Variants in IPO11 observed in about 807,000 individuals in gnomAD.
IPO11 encodes importin 11.
IPO11 carries 66 observed loss-of-function variants against 143.2 expected under a neutral mutation model. The observed-to-expected ratio is 0.46, with a 90% confidence interval of 0.38 to 0.57. The LOEUF (loss-of-function observed/expected upper bound fraction) is 0.57, where lower values mean the gene tolerates loss of function less well. Among genes scored for constraint, IPO11 ranks in the 20% least tolerant of loss-of-function variants. The pLI is 0.00. For missense variants in IPO11, 1,026 were observed against 1,141.0 expected, an observed-to-expected ratio of 0.90 and a Z score of 1.45; for synonymous variants, 385 against 377.8, an observed-to-expected ratio of 1.02 and a Z score of -0.22.
intron 29 of IPO11, among the ~76,000 whole-genome samples, chr5:62,615,326 C>A (rs75138362): frequency 0.027 from 4,048 of 152,282 alleles, 173 homozygotes; most frequent in African/African-American, 0.09. Flanking sequence ...GTTTGAGAAA[C>A]CCTGAATTTA....
At chr5:62,430,016 C>G (rs180778928) in intron 1 of IPO11, among the ~76,000 whole-genome samples, 27 of 152,274 alleles carry the variant, frequency 1.8e-4, no homozygotes, top group Admixed American at 3.9e-4. Flanking sequence ...CTTGGCCTCC[C>G]AAAGTGCTGG....
intron 24 of IPO11, among the ~76,000 whole-genome samples, chr5:62,549,502 T>A (rs1460004841): frequency 6.6e-6 from 1 of 152,168 alleles, no homozygotes; most frequent in African/African-American, 2.4e-5. Flanking sequence ...ATGTCAGTAG[T>A]CCATCTTGAG....
chr5:62,510,055 A>G (rs748680306), intron 19 of IPO11, among the ~76,000 whole-genome samples: 7 of 152,198 alleles, frequency 4.6e-5, no homozygotes, highest in Non-Finnish European at 8.8e-5. Context: ...CATTGCCAAC[A>G]CTTGTCTTAT....
chr5:62,589,141 AC>A (rs1744919611), intron 27 of IPO11, among the ~76,000 whole-genome samples: 1 of 152,034 alleles, frequency 6.6e-6, no homozygotes, highest in South Asian at 2.1e-4. Context: ...CCCCTTTGGC[AC>A]CTGTACTTTC....
intron 20 of IPO11, 44 bp downstream of exon 20, chr5:62,515,545 A>T (rs201826114): frequency 3.1e-6 from 4 of 1,296,204 alleles, no homozygotes; most frequent in East Asian, 5.0e-5. Context: ...AGTGGTTTTT[A>T]AAAAATTCTT....
intron 20 of IPO11, among the ~76,000 whole-genome samples, chr5:62,524,254 T>G (rs945456829): frequency 3.3e-5 from 5 of 152,198 alleles, no homozygotes; most frequent in African/African-American, 1.2e-4. Context: ...AGACAGTGTG[T>G]TATATAGTAT....
chr5:62,469,316 G>A (rs1204484486), intron 6 of IPO11, among the ~76,000 whole-genome samples: 1 of 152,154 alleles, frequency 6.6e-6, no homozygotes, highest in Non-Finnish European at 1.5e-5. Context: ...TGCATATGAT[G>A]ATTTCAAACT....
chr5:62,568,803 T>C (rs1329093594), intron 27 of IPO11, among the ~76,000 whole-genome samples: 1 of 152,132 alleles, frequency 6.6e-6, no homozygotes, highest in Non-Finnish European at 1.5e-5. Flanking sequence ...TTGATGCTTG[T>C]AGAGGTATGT....
chr5:62,526,948 G>A (rs1278618057), intron 21 of IPO11, among the ~76,000 whole-genome samples: 2 of 152,142 alleles, frequency 1.3e-5, no homozygotes, highest in African/African-American at 2.4e-5. Context: ...TAAAAGAAAT[G>A]AACATTTGAT....
chr5:62,549,718 A>G (rs1370941802), intron 24 of IPO11, among the ~76,000 whole-genome samples: 2 of 151,692 alleles, frequency 1.3e-5, no homozygotes, highest in African/African-American at 2.4e-5. Flanking sequence ...AAATAAACAA[A>G]CTCCACCCTG....
intron 24 of IPO11, 82 bp downstream of exon 24, chr5:62,537,371 G>T (rs1005061041): frequency 2.2e-6 from 2 of 909,780 alleles, no homozygotes; most frequent in South Asian, 1.5e-5. Flanking sequence ...TGGATGGTTC[G>T]CAAGAAGGAG....
At chr5:62,617,021 T>C (rs1266074323) in intron 29 of IPO11, among the ~76,000 whole-genome samples, 3 of 152,190 alleles carry the variant, frequency 2.0e-5, no homozygotes, top group Non-Finnish European at 4.4e-5. Flanking sequence ...CCTGCACTTT[T>C]CAGTCCTTCA....
At position 62,470,816 on chromosome 5, in the gene IPO11, C is replaced by CTTTTTTTTTTTTTTTTTTTT. The variant is rs70981015; in HGVS notation, c.708+518_708+537dup. Among the ~76,000 whole-genome samples the CTTTTTTTTTTTTTTTTTTTT allele has an allele frequency of 4.6e-4, 29 of 62,558 alleles. 4 individuals are homozygous for CTTTTTTTTTTTTTTTTTTTT. The highest frequency in any genetic ancestry group is 2.1e-3 in the East Asian group (3 of 1,418). 41.0% of individuals were successfully genotyped at this position (62,558 alleles called of 152,430 possible). A position where few individuals can be genotyped will look rare whatever the true frequency, so the allele number is the denominator to read the frequency against. ...TTCATTGTCTGTAGATAGCCATCTT[C>CTTTTTTTTTTTTTTTTTTTT]TTTTTTTTTTTTTTTTTTTTTTTTT... On this transcript the variant is annotated intron_variant, in intron 7 of 29. Coordinates refer to ENST00000325324, the MANE Select transcript of IPO11 (RefSeq NM_016338.5).
chr5:62,604,069 T>C (rs1303771924), intron 29 of IPO11, among the ~76,000 whole-genome samples: 2 of 152,204 alleles, frequency 1.3e-5, no homozygotes, highest in Non-Finnish European at 2.9e-5. Context: ...TCTAGGTTTG[T>C]GTAAGCACAC....
chr5:62,501,599 T>C (rs1432627200), intron 16 of IPO11, among the ~76,000 whole-genome samples: 4 of 152,200 alleles, frequency 2.6e-5, no homozygotes, highest in Non-Finnish European at 5.9e-5. Context: ...ACATCAAAGA[T>C]GCTTTCTATC....
intron 22 of IPO11, among the ~76,000 whole-genome samples, chr5:62,532,445 C>T (rs1389254222): frequency 6.6e-6 from 1 of 152,096 alleles, no homozygotes; most frequent in South Asian, 2.1e-4. Flanking sequence ...GCAACCTCCG[C>T]CTCCCAGGTT....
Position 62,506,254 on chromosome 5 carries a change from T to C in IPO11, c.1679T>C (p.Met560Thr), listed in dbSNP as rs768831363. The C allele has an allele frequency of 1.2e-6, 2 of 1,603,320 alleles. No individual in the cohort carries two copies. The highest frequency in any genetic ancestry group is 2.2e-5 in the East Asian group (1 of 44,780). Residue 560 changes from methionine (M) to threonine (T), a missense_variant, in exon 19 of 30, where the codon ATG becomes ACG. Met to Thr is a moderately conservative substitution (Grantham distance 81). This residue lies in a region of IPO11 where 237 missense variants were observed against 288.0 expected (regional missense o/e 0.82). Coordinates refer to ENST00000325324, the MANE Select transcript of IPO11 (RefSeq NM_016338.5). ...TTTTACCTGCAGTATTTGGAAACCA[T>C]GTTCACACTACTTTTTCAGTTACTG... is the stretch of plus-strand genomic sequence containing the variant. ...TDQFLPYLET[M>T]FTLLFQLLQQ...
At chr5:62,473,026 G>A (rs1030700552) in intron 7 of IPO11, among the ~76,000 whole-genome samples, 1 of 152,072 alleles carries the variant, frequency 6.6e-6, no homozygotes, top group Non-Finnish European at 1.5e-5. Flanking sequence ...TGGGATCTTG[G>A]TGACCTAATT....
intron 5 of IPO11, among the ~76,000 whole-genome samples, chr5:62,456,889 C>T (rs757674759): frequency 2.6e-5 from 4 of 151,872 alleles, no homozygotes; most frequent in Non-Finnish European, 5.9e-5. Flanking sequence ...GTCAGGAGTT[C>T]AAGACCAGCC....
Sources: allele counts gnomAD v4.1 joint callset (sites outside exome capture counted in the v4.1 genomes callset), GRCh38; gene constraint gnomAD v4.1.1; regional missense constraint gnomAD v4.1.1; transcripts MANE v1.5; gene names NCBI Gene and HGNC (gene_info 2026-07-23, HGNC 2026-07-21).